The following PIK3C2G variants were observed in gnomAD, a reference collection of about 807,000 sequenced individuals.
The protein encoded by PIK3C2G is phosphatidylinositol-4-phosphate 3-kinase catalytic subunit type 2 gamma, also known as phosphatidylinositol 3-kinase C2 domain-containing subunit gamma.
In PIK3C2G, 168 loss-of-function variants were observed where a neutral mutation model predicts 181.1. The observed-to-expected ratio is 0.93, with a 90% CI of 0.82 to 1.05. PIK3C2G has a LOEUF of 1.05. Ranked by LOEUF, PIK3C2G falls within the 50% of genes least tolerant of loss-of-function variation. The pLI is 0.00. For synonymous variants in PIK3C2G, 573 were observed against 592.2 expected, an observed-to-expected ratio of 0.97 and a Z score of 0.47; for missense variants, 1,869 against 1,732.8, an observed-to-expected ratio of 1.08 and a Z score of -1.40.
the PIK3C2G span, among the ~76,000 whole-genome samples, chr12:18,716,517 T>C: frequency 6.6e-6 from 1 of 152,200 alleles, no homozygotes; most frequent in Non-Finnish European, 1.5e-5. Flanking sequence ...TATTTAACTT[T>C]GAGCCTTTTT....
chr12:18,710,127 T>TCCTA, the PIK3C2G span, among the ~76,000 whole-genome samples: 2 of 150,440 alleles, frequency 1.3e-5, no homozygotes, highest in Non-Finnish European at 3.0e-5. Flanking sequence ...CTTCTTTTCT[T>TCCTA]CCTATTGGAA....
At chr12:18,488,299 G>T (rs571499503) in intron 18 of PIK3C2G, 150 bp from the exon 19 acceptor site, 11 of 423,008 alleles carry the variant, frequency 2.6e-5, no homozygotes, top group Admixed American at 4.3e-5. Flanking sequence ...GACTGTCAAT[G>T]AATAAACAAC....
At chr12:18,252,767 G>A (rs1352509086) in intron 1 of PIK3C2G, among the ~76,000 whole-genome samples, 9 of 152,134 alleles carry the variant, frequency 5.9e-5, no homozygotes, top group Non-Finnish European at 1.3e-4. Flanking sequence ...AAAGTCTTAT[G>A]ACCTAGTTTG....
chr12:18,283,995 C>CG (rs1219156384), intron 2 of PIK3C2G, among the ~76,000 whole-genome samples: 1 of 152,062 alleles, frequency 6.6e-6, no homozygotes, highest in East Asian at 1.9e-4. Flanking sequence ...ACTGCGAAGA[C>CG]AGTGCCTGCA....
intron 5 of PIK3C2G, among the ~76,000 whole-genome samples, chr12:18,294,892 T>A (rs1160566614): frequency 2.0e-5 from 3 of 151,884 alleles, no homozygotes; most frequent in Non-Finnish European, 4.4e-5. Flanking sequence ...TCATTATTAT[T>A]CCATCATGAA....
At chr12:18,272,150 G>A (rs1948770499) in intron 1 of PIK3C2G, among the ~76,000 whole-genome samples, 1 of 152,104 alleles carries the variant, frequency 6.6e-6, no homozygotes, top group South Asian at 2.1e-4. Context: ...TTGGGGAGTA[G>A]TATTTTTAAG....
intron 26 of PIK3C2G, among the ~76,000 whole-genome samples, chr12:18,554,553 G>C (rs558361919): frequency 6.6e-6 from 1 of 152,082 alleles, no homozygotes; most frequent in East Asian, 1.9e-4. Flanking sequence ...GAATTTTTAA[G>C]AATAAAAGTG....
chr12:18,660,415 G>A, the PIK3C2G span, among the ~76,000 whole-genome samples: 1 of 152,158 alleles, frequency 6.6e-6, no homozygotes, highest in Non-Finnish European at 1.5e-5. Context: ...TCCCTCTCCA[G>A]CTGAAGTGAG....
chr12:18,299,715 C>A (rs1373314583), intron 5 of PIK3C2G, among the ~76,000 whole-genome samples: 1 of 151,728 alleles, frequency 6.6e-6, no homozygotes, highest in Admixed American at 6.6e-5. Context: ...TATATTTATA[C>A]CTAGTTTGTT....
At chr12:18,454,653 T>C (rs1464725638) in intron 18 of PIK3C2G, among the ~76,000 whole-genome samples, 1 of 152,154 alleles carries the variant, frequency 6.6e-6, no homozygotes, top group African/African-American at 2.4e-5. Context: ...AGCAGAAAAG[T>C]CACACATTCC....
At chr12:18,572,746 C>A (rs1279394140) in intron 29 of PIK3C2G, among the ~76,000 whole-genome samples, 1 of 152,008 alleles carries the variant, frequency 6.6e-6, no homozygotes, top group Admixed American at 6.6e-5. Flanking sequence ...CTTTATGCCT[C>A]CTACTCCTTA....
At position 18,573,258 on chromosome 12, in the gene PIK3C2G, A is replaced by G. The variant is rs1325134736; in HGVS notation, c.4011+6201A>G. ...AGCAATCTGAGATTGCCAAAATTCAATTGCAGCAATTCAGATTATTCGAAA... is the reference window on the plus strand; with the variant it reads ...AGCAATCTGAGATTGCCAAAATTCAGTTGCAGCAATTCAGATTATTCGAAA... On this transcript the variant is annotated intron_variant, in intron 29 of 32. Coordinates refer to ENST00000538779, the MANE Select transcript of PIK3C2G (RefSeq NM_001288772.2). Among the ~76,000 whole-genome samples the G allele has an allele frequency of 2.6e-5, 4 of 152,194 alleles. No homozygotes were observed. The South Asian group carries it at 6.2e-4, about 24-fold the overall frequency.
Position 18,322,159 on chromosome 12 carries a change from C to T in PIK3C2G, c.1208+1127C>T, listed in dbSNP as rs181848866. Among the ~76,000 whole-genome samples, 1,022 of 152,072 alleles carry T rather than the reference C, an allele frequency of 6.7e-3. 10 individuals carry two copies. Among genetic ancestry groups the T allele is most frequent in the African/African-American group, 0.024 (979 of 41,466 alleles). ...CAGCACTTTAGGAGGCCTAGGCGGG[C>T]GGATCACAAGGTCAGGAGTTCAAGA... On this transcript the variant is annotated intron_variant, in intron 7 of 32. Transcript: ENST00000538779.
chr12:18,379,085 T>C (rs1467561331), intron 13 of PIK3C2G, among the ~76,000 whole-genome samples: 1 of 152,016 alleles, frequency 6.6e-6, no homozygotes, highest in Admixed American at 6.6e-5. Flanking sequence ...TGCGGCACTA[T>C]TCACAATAGC....
At chr12:18,597,411 A>C (rs1434710588) in intron 30 of PIK3C2G, among the ~76,000 whole-genome samples, 2 of 152,120 alleles carry the variant, frequency 1.3e-5, no homozygotes, top group East Asian at 1.9e-4. Flanking sequence ...TTAGCAAAAG[A>C]CTTTCTTTAA....
At position 18,564,536 on chromosome 12, in the gene PIK3C2G, T is replaced by C. The variant is rs1945518620; in HGVS notation, c.3902+1038T>C. On this transcript the variant is annotated intron_variant, in intron 28 of 32. Transcript: ENST00000538779. ...TTGCACAATATTAAAAATTGAGTAG[T>C]TCACATTCATGAAAAAAAAAACTGT... 2.6e-5 allele frequency among the ~76,000 whole-genome samples: 4 copies of C among 151,878 alleles called. No individual in the cohort carries two copies. The South Asian group carries it at 8.3e-4, about 32-fold the overall frequency.
chr12:18,669,767 C>T, the PIK3C2G span, among the ~76,000 whole-genome samples: 1 of 152,122 alleles, frequency 6.6e-6, no homozygotes, highest in East Asian at 1.9e-4. Context: ...AAGTGATTCT[C>T]CTGCCTCAGC....
intron 8 of PIK3C2G, among the ~76,000 whole-genome samples, chr12:18,333,775 T>C (rs1938224922): frequency 6.6e-6 from 1 of 152,190 alleles, no homozygotes; most frequent in Non-Finnish European, 1.5e-5. Context: ...AATTTGATAA[T>C]TTTCACTGTG....
chr12:18,674,392 T>C, the PIK3C2G span, among the ~76,000 whole-genome samples: 1 of 117,814 alleles, frequency 8.5e-6, no homozygotes, highest in South Asian at 3.4e-4. Context: ...AATGTGAGAT[T>C]TATGACAGTG....
Sources: gnomAD v4.1 joint callset for allele counts (sites outside exome capture counted in the v4.1 genomes callset) on GRCh38, gnomAD v4.1.1 for gene constraint, MANE v1.5 for transcripts, NCBI Gene and HGNC (gene_info 2026-07-23, HGNC 2026-07-21) for gene names.